TAF1D: variants seen among roughly 807,000 people sequenced by gnomAD.
TAF1D encodes the protein TATA box-binding protein-associated factor RNA polymerase I subunit D.
A neutral mutation model predicts 26.2 loss-of-function variants in TAF1D; 23 were observed. The observed-to-expected ratio is 0.88, with a 90% confidence interval of 0.63 to 1.25. The LOEUF is 1.25. Ranked by LOEUF, TAF1D falls within the 50% of genes most tolerant of loss-of-function variation. The probability of loss-of-function intolerance (pLI) is 0.00; values close to 1 mark genes in which losing one functional copy is unlikely to be tolerated. For missense variants in TAF1D, 299 were observed against 322.0 expected (o/e 0.93, Z 0.55); for synonymous variants, 100 against 105.6 (o/e 0.95, Z 0.33).
chr11:93,731,139 C>G (rs1032803593), downstream of TAF1D: 1 of 483,068 alleles, frequency 2.1e-6, no homozygotes, highest in Middle Eastern at 3.4e-4. Flanking sequence ...AAGATAAAAA[C>G]CATTACTTGC....
At chr11:93,738,917 AT>A (rs1284085646) in intron 2 of TAF1D, 5 of 368,384 alleles carry the variant, frequency 1.4e-5, no homozygotes, top group African/African-American at 8.4e-5. Context: ...AAAAGGCTGT[AT>A]GGTTCGGTTC....
chr11:93,732,038 T>C (rs541198289), downstream of TAF1D: 2 of 518,788 alleles, frequency 3.9e-6, no homozygotes, highest in South Asian at 1.4e-5. Flanking sequence ...CACTGCAATA[T>C]GCATACTGTG....
At chr11:93,739,372 A>G (rs900830285) in intron 1 of TAF1D, 41 bp from the exon 2 acceptor site, 3 of 1,379,574 alleles carry the variant, frequency 2.2e-6, no homozygotes, top group Non-Finnish European at 3.0e-6. Context: ...AAGCTTCCCT[A>G]AATATTGACA....
Position 93,738,354 on chromosome 11 carries a change from G to C in TAF1D, c.214C>G (p.Pro72Ala). The change falls in exon 3 of 6, where the codon CCA becomes GCA. Residue 72 changes from proline to alanine, a missense_variant. Physicochemically the swap from Pro to Ala is conservative, Grantham distance 27 (BLOSUM62 -1). Transcript: ENST00000448108. ...ATAGCTTTTATAGTCAATGGTATTG[G>C]TTCAAAAGATGAGTCACTTGATGAA... The part of the protein sequence containing the change: ...SDSSSDSSFE[P>A]IPLTIKAIFE... 2 of 1,613,530 alleles carry C rather than the reference G, an allele frequency of 1.2e-6. No homozygotes were observed. Among genetic ancestry groups the C allele is most frequent in the Non-Finnish European group, 1.7e-6 (2 of 1,179,870 alleles).
At position 93,736,121 on chromosome 11, in the gene TAF1D, G is replaced by A. The variant is rs377763823; in HGVS notation, c.*40C>T. 19 of 1,609,068 alleles carry A rather than the reference G, an allele frequency of 1.2e-5. No homozygotes were observed. The highest frequency in any genetic ancestry group is 4.5e-5 in the East Asian group (2 of 44,630). On this transcript the variant is annotated 3_prime_UTR_variant, in exon 6 of 6. Transcript: ENST00000448108. ...TATCTTTATTCATTTCTATGAAGTC[G>A]TTTTTTCTATATGCTTCACCTTTGA...
rs1024833229 is a variant in TAF1D, at chr11:93,730,242, G to T, written c.*1209C>A. On this transcript the variant is annotated 3_prime_UTR_variant and NMD_transcript_variant, in exon 12 of 12. Coordinates refer to the TAF1D transcript ENST00000323981. ...TATTCCTTCCACAGAAAACACTAGA[G>T]AAACTTCGAGCCAAAAATACATGCT... The T allele has an allele frequency of 7.1e-6, 11 of 1,550,990 alleles. No individual in the cohort carries two copies. The African/African-American group carries it at 1.2e-4, about 17-fold the overall frequency.
rs949709042 is a variant in TAF1D at position 93,740,517 on chromosome 11, C to A, written c.-28+805G>T. 1.9e-4 allele frequency among the ~76,000 whole-genome samples: 28 copies of A among 149,362 alleles called. No homozygotes were observed. In the Admixed American group the frequency reaches 1.9e-3, roughly 10 times the overall value. ...ACTACTTATTTCATTATTGTACATG[C>A]CTTAGTCAATCTCTTGTCTCATTCT... On this transcript the variant is annotated intron_variant, in intron 1 of 5. Coordinates refer to ENST00000448108, the MANE Select transcript of TAF1D (RefSeq NM_024116.4).
In TAF1D at chr11:93,738,488, G is replaced by A. The variant is rs770591812; in HGVS notation, c.80C>T (p.Ser27Phe). The part of the protein sequence containing the change: ...VELANRSDNS[S>F]DSSLFKTQCI... ...CTGAGTTTTAAATAAGCTGCTATCA[G>A]AAGAGTTATCACTAGAAAAATGGGA... Residue 27 changes from serine to phenylalanine, a missense_variant, in exon 3 of 6, where the codon TCT becomes TTT. Coordinates refer to ENST00000448108, the MANE Select transcript of TAF1D (RefSeq NM_024116.4). 2 of 1,570,468 alleles carry A rather than the reference G, an allele frequency of 1.3e-6. No individual in the cohort carries two copies. Among genetic ancestry groups the A allele is most frequent in the Non-Finnish European group, 1.7e-6 (2 of 1,163,774 alleles).
At chr11:93,739,798 C>T (rs7105804) in intron 1 of TAF1D, among the ~76,000 whole-genome samples, 57,525 of 151,482 alleles carry the variant, frequency 0.38, 12,801 homozygotes, top group Non-Finnish European at 0.49. Context: ...CATTATAATT[C>T]CTAGATTCTT....
At position 93,735,991 on chromosome 11, in the gene TAF1D, G is replaced by A; in HGVS notation, c.*170C>T. 1.4e-6 allele frequency: 2 copies of A among 1,380,068 alleles called. No homozygotes were observed. The highest frequency in any genetic ancestry group is 1.9e-6 in the Non-Finnish European group (2 of 1,071,710). The allele number at this position is 1,380,068 out of a possible 1,614,324, so 85.5% of individuals were successfully genotyped here. A position where few individuals can be genotyped will look rare whatever the true frequency, so the allele number is the denominator to read the frequency against. On this transcript the variant is annotated 3_prime_UTR_variant, in exon 6 of 6. Coordinates refer to ENST00000448108, the MANE Select transcript of TAF1D (RefSeq NM_024116.4). The stretch of plus-strand genomic sequence containing the variant: ...TTTTCTAATTATTACTACTTCACAA[G>A]TTTCTTTCACAAACTTCTTCACAGG...
intron 1 of TAF1D, among the ~76,000 whole-genome samples, chr11:93,739,926 G>A (rs910144984): frequency 8.3e-6 from 1 of 120,708 alleles, no homozygotes; most frequent in African/African-American, 3.2e-5. Flanking sequence ...TAATTCTTGT[G>A]TCTTCATCCC....
At chr11:93,739,062 AT>A (rs1299772804) in intron 2 of TAF1D, 174 bp downstream of exon 2, 37 of 568,736 alleles carry the variant, frequency 6.5e-5, no homozygotes, top group Non-Finnish European at 9.8e-5. Context: ...CACATTTTGA[AT>A]TTAAAGTATT....
intron 1 of TAF1D, among the ~76,000 whole-genome samples, chr11:93,740,138 G>A (rs554980587): frequency 3.0e-4 from 45 of 151,860 alleles, no homozygotes; most frequent in Admixed American, 2.2e-3. Context: ...GTGAAACTCC[G>A]TCTCTACAAA....
chr11:93,735,998 T>C lies in TAF1D; in HGVS notation c.*163A>G, dbSNP rs1293171506. On this transcript the variant is annotated 3_prime_UTR_variant, in exon 6 of 6. Transcript: ENST00000448108. ...ATTATTACTACTTCACAAGTTTCTT[T>C]CACAAACTTCTTCACAGGGTTAAAA... The C allele has an allele frequency of 2.9e-6, 4 of 1,389,238 alleles. No individual in the cohort carries two copies. The African/African-American group carries it at 6.0e-5, about 21-fold the overall frequency. The allele number at this position is 1,389,238 out of a possible 1,614,324, so 86.1% of individuals were successfully genotyped here.
downstream of TAF1D, chr11:93,731,106 C>T (rs371592456): frequency 2.0e-5 from 10 of 502,346 alleles, no homozygotes; most frequent in Non-Finnish European, 3.9e-5. Context: ...ACCATTACAC[C>T]CTTGAGCAAA....
chr11:93,734,930 A>T (rs892737744), downstream of TAF1D: 12 of 906,668 alleles, frequency 1.3e-5, no homozygotes, highest in African/African-American at 1.7e-5. Flanking sequence ...TACCCAGCTA[A>T]TTTTTAAATT....
At chr11:93,731,443 A>C, downstream of TAF1D, 1 of 510,522 alleles carries the variant, frequency 2.0e-6, no homozygotes, top group Non-Finnish European at 3.9e-6. Flanking sequence ...TGTTTCTGGT[A>C]ACTTTTACCT....
At chr11:93,735,015 T>C (rs1453224144), downstream of TAF1D, 3 of 1,216,244 alleles carry the variant, frequency 2.5e-6, no homozygotes, top group Non-Finnish European at 3.2e-6. Flanking sequence ...ACTCCCACCT[T>C]GGTGTGGGGA....
At chr11:93,735,487 A>G (rs1047051088), downstream of TAF1D, 5 of 411,492 alleles carry the variant, frequency 1.2e-5, no homozygotes, top group Middle Eastern at 1.1e-3. Context: ...GTTCGAGACC[A>G]TGGTGAAAGC....
Sources: allele counts gnomAD v4.1 joint callset (sites outside exome capture counted in the v4.1 genomes callset), GRCh38; gene constraint gnomAD v4.1.1; transcripts MANE v1.5; gene names NCBI Gene and HGNC (gene_info 2026-07-23, HGNC 2026-07-21).